The following CHD7 variants were observed in gnomAD, a reference collection of about 807,000 sequenced individuals.
CHD7 encodes chromodomain helicase DNA binding protein 7.
Under a neutral mutation model 307.3 loss-of-function variants are expected in CHD7, and 24 were observed. The observed-to-expected ratio is 0.08, with a 90% CI of 0.06 to 0.11. The LOEUF (loss-of-function observed/expected upper bound fraction) is 0.11, where lower values mean the gene tolerates loss of function less well. CHD7 is among the 10% of genes least tolerant of loss of function. The pLI is 1.00. For synonymous variants in CHD7, 1,363 were observed against 1,349.9 expected (o/e 1.01, Z -0.21); for missense variants, 3,106 against 3,727.1 (o/e 0.83, Z 4.34).
chr8:60,862,003 A>T (rs1431656191), intron 35 of CHD7, 193 bp from the exon 36 acceptor site: 1 of 446,978 alleles, frequency 2.2e-6, no homozygotes, highest in African/African-American at 2.0e-5. Context: ...TCACTTATGT[A>T]TTCCTTAATG....
intron 1 of CHD7, among the ~76,000 whole-genome samples, chr8:60,730,950 T>C (rs138512231): frequency 6.6e-6 from 1 of 152,316 alleles, no homozygotes; most frequent in East Asian, 1.9e-4. Context: ...TGATGAAGTA[T>C]TGCATTGACC....
At chr8:60,794,868 C>G in intron 3 of CHD7, 118 bp from the exon 4 acceptor site, 2 of 894,592 alleles carry the variant, frequency 2.2e-6, no homozygotes, top group Non-Finnish European at 3.3e-6. Flanking sequence ...TGTAAATAGC[C>G]AATATGTATG....
At position 60,865,899 on chromosome 8, in the gene CHD7, G is replaced by A. The variant is rs780071510; in HGVS notation, c.8960G>A (p.Gly2987Glu). The A allele has an allele frequency of 1.9e-6, 3 of 1,608,588 alleles. No individual in the cohort carries two copies. Among genetic ancestry groups the A allele is most frequent in the Non-Finnish European group, 2.5e-6 (3 of 1,177,394 alleles). The change falls in exon 38 of 38, where the codon GGG becomes GAG. Residue 2987 changes from glycine to glutamate, a missense_variant. Coordinates refer to ENST00000423902, the MANE Select transcript of CHD7 (RefSeq NM_017780.4). This position sits in a 1 kb window ranked among gnomAD's most constrained non-coding sequence, Gnocchi z 4.3. ...QGEELDSLDG[G>E]DEIENNENDE Reference sequence around the variant, plus strand: ...GAAGAGCTAGACTCACTTGATGGGGGGGATGAAATAGAAAACAATGAAAAT... The same window carrying A: ...GAAGAGCTAGACTCACTTGATGGGGAGGATGAAATAGAAAACAATGAAAAT...
At chr8:60,765,478 G>A (rs553096029) in intron 2 of CHD7, among the ~76,000 whole-genome samples, 1 of 152,310 alleles carries the variant, frequency 6.6e-6, no homozygotes, top group East Asian at 1.9e-4. Context: ...GACTCCACCT[G>A]GAGAGATTGG....
At chr8:60,818,862 GTTAA>G (rs1402837476) in intron 8 of CHD7, among the ~76,000 whole-genome samples, 2 of 152,174 alleles carry the variant, frequency 1.3e-5, no homozygotes, top group Non-Finnish European at 2.9e-5. Context: ...TTATTGATAA[GTTAA>G]TTGAGAGGTG....
In CHD7 at chr8:60,865,778, T is replaced by C. The variant is rs1452398427; in HGVS notation, c.8839T>C (p.Phe2947Leu). The C allele has an allele frequency of 1.9e-6, 3 of 1,613,882 alleles. No homozygotes were observed. The highest frequency in any genetic ancestry group is 2.5e-6 in the Non-Finnish European group (3 of 1,179,892). Residue 2947 changes from phenylalanine (F) to leucine (L), a missense_variant, in exon 38 of 38, where the codon TTT (phenylalanine) becomes CTT (leucine). Phe to Leu is a conservative substitution (Grantham distance 22, BLOSUM62 0). Transcript: ENST00000423902. The surrounding 1 kb of genome is among the most constrained non-coding windows in gnomAD (Gnocchi z 4.3). ...TGCTGACAAGGCTGAGGGAGGACCC[T>C]TTAAAGATGGAGAGACCCTTGAAGG... ...KAADKAEGGP[F>L]KDGETLEGSD...
chr8:60,823,516 GTTTATC>G (rs1804138970), intron 12 of CHD7, among the ~76,000 whole-genome samples: 2 of 152,108 alleles, frequency 1.3e-5, no homozygotes, highest in Admixed American at 6.5e-5. Context: ...TGAAATCTGT[GTTTATC>G]TTTAGATTTG....
intron 15 of CHD7, among the ~76,000 whole-genome samples, chr8:60,833,263 A>G (rs1032230930): frequency 2.6e-5 from 4 of 152,234 alleles, no homozygotes; most frequent in African/African-American, 9.6e-5. Flanking sequence ...TATATGTATG[A>G]GTTGAAAGCT....
intron 1 of CHD7, among the ~76,000 whole-genome samples, chr8:60,710,032 C>A (rs1342094639): frequency 6.7e-6 from 1 of 150,282 alleles, no homozygotes. Context: ...GCTTATAATA[C>A]AAAAATCCAC....
At chr8:60,745,066 T>G (rs1289376577) in intron 2 of CHD7, among the ~76,000 whole-genome samples, 2 of 151,048 alleles carry the variant, frequency 1.3e-5, no homozygotes, top group East Asian at 2.0e-4. Flanking sequence ...TAACCACCCT[T>G]GGTGATTCTT....
intron 1 of CHD7, among the ~76,000 whole-genome samples, chr8:60,690,383 A>G (rs558015455): frequency 2.6e-5 from 4 of 152,280 alleles, no homozygotes; most frequent in African/African-American, 7.2e-5. Context: ...GGTGCATTTA[A>G]TATTTTAATA....
chr8:60,847,467 G>A (rs184352534), intron 23 of CHD7, among the ~76,000 whole-genome samples: 7 of 152,266 alleles, frequency 4.6e-5, no homozygotes, highest in Admixed American at 2.6e-4. Context: ...TAGGGTTATC[G>A]TGAAGATCAA....
chr8:60,863,748 T>C (rs1806118766), intron 37 of CHD7: 3 of 149,294 alleles, frequency 2.0e-5, no homozygotes, highest in Admixed American at 6.6e-5. Flanking sequence ...CTTTTTTTTT[T>C]TTTTTTTTGA....
At chr8:60,689,773 G>GAAA (rs1475763373) in intron 1 of CHD7, among the ~76,000 whole-genome samples, 3 of 152,214 alleles carry the variant, frequency 2.0e-5, no homozygotes, top group Admixed American at 2.0e-4. Context: ...AAAGACACAT[G>GAAA]CTCATTACAA....
At chr8:60,852,271 T>G in intron 29 of CHD7, 24 bp downstream of exon 29, 1 of 1,598,164 alleles carries the variant, frequency 6.3e-7, no homozygotes, top group Non-Finnish European at 8.6e-7. Flanking sequence ...AGGTTTCCAC[T>G]CAGCTCCCGG....
chr8:60,843,261 C>T (rs1382997194), intron 21 of CHD7, among the ~76,000 whole-genome samples: 2 of 152,182 alleles, frequency 1.3e-5, no homozygotes, highest in African/African-American at 4.8e-5. Flanking sequence ...CCTCTCTTGT[C>T]TCTTCTTACA....
intron 1 of CHD7, among the ~76,000 whole-genome samples, chr8:60,695,875 A>C (rs1234557824): frequency 6.6e-6 from 1 of 152,258 alleles, no homozygotes; most frequent in Non-Finnish European, 1.5e-5. Context: ...CTGTTGCCTG[A>C]AGTTTCATAA....
chr8:60,679,360 C>CCGG (rs1215508152), intron 1 of CHD7, among the ~76,000 whole-genome samples: 2 of 138,642 alleles, frequency 1.4e-5, no homozygotes, highest in South Asian at 2.3e-4. Context: ...GTCCGCCGGG[C>CCGG]CGGCGGCGGC....
chr8:60,769,779 A>G (rs1387515041), intron 2 of CHD7, among the ~76,000 whole-genome samples: 4 of 152,208 alleles, frequency 2.6e-5, no homozygotes, highest in Non-Finnish European at 5.9e-5. Context: ...CAGTGATTCA[A>G]GGAAATACTT....
Sources: allele counts gnomAD v4.1 joint callset (sites outside exome capture counted in the v4.1 genomes callset), GRCh38; gene constraint gnomAD v4.1.1; non-coding constraint Gnocchi (gnomAD v3.1); transcripts MANE v1.5; gene names NCBI Gene and HGNC (gene_info 2026-07-23, HGNC 2026-07-21).